SLC24A2: variants seen among roughly 807,000 people sequenced by gnomAD.
The protein encoded by SLC24A2 is sodium/potassium/calcium exchanger 2.
Under a neutral mutation model 62.0 loss-of-function variants are expected in SLC24A2, and 36 were observed. The observed-to-expected ratio is 0.58, with a 90% CI of 0.44 to 0.77. SLC24A2 has a LOEUF of 0.77. Among genes scored for constraint, SLC24A2 ranks in the 30% least tolerant of loss-of-function variants. The pLI, the probability that SLC24A2 is intolerant of heterozygous loss-of-function variation, is 0.00. For missense variants in SLC24A2, 846 were observed against 817.9 expected (o/e 1.03, Z -0.42); for synonymous variants, 358 against 294.0 (o/e 1.22, Z -2.23).
chr9:19,819,527 C>T, the SLC24A2 span, among the ~76,000 whole-genome samples: 3 of 151,984 alleles, frequency 2.0e-5, no homozygotes, highest in South Asian at 2.1e-4. Context: ...AAAAAACAAT[C>T]CCATCAAAAA....
chr9:19,554,741 A>G (rs1192261620), intron 7 of SLC24A2, among the ~76,000 whole-genome samples: 1 of 151,984 alleles, frequency 6.6e-6, no homozygotes, highest in East Asian at 1.9e-4. Context: ...GCTGGAGGGG[A>G]CATTTTGACC....
Position 19,521,457 on chromosome 9 carries a change from C to A in SLC24A2, c.1570-397G>T, listed in dbSNP as rs539613565. Among the ~76,000 whole-genome samples, 11 of 152,348 alleles carry A rather than the reference C, an allele frequency of 7.2e-5. No homozygotes were observed. In the East Asian group the frequency reaches 7.7e-4, roughly 11 times the overall value. ...TGTGGAAGATTTGCCCTTCAACTTA[C>A]TACCAAAACCAAGGACTGACACCCA... is the stretch of plus-strand genomic sequence containing the variant. On this transcript the variant is annotated intron_variant, in intron 9 of 10. Transcript: ENST00000341998.
intron 2 of SLC24A2, among the ~76,000 whole-genome samples, chr9:19,750,621 C>A (rs750213222): frequency 1.3e-5 from 2 of 152,086 alleles, no homozygotes; most frequent in African/African-American, 4.8e-5. Context: ...CTCTTTTCAT[C>A]GATATCTTTA....
the SLC24A2 span, among the ~76,000 whole-genome samples, chr9:20,014,197 G>C: frequency 6.6e-6 from 1 of 152,098 alleles, no homozygotes; most frequent in Non-Finnish European, 1.5e-5. Flanking sequence ...GACAGAGCAA[G>C]ACCATGTCTC....
chr9:19,761,467 T>A lies in SLC24A2; in HGVS notation c.930+24470A>T, dbSNP rs190299888. Among the ~76,000 whole-genome samples, 175 of 150,298 alleles carry A rather than the reference T, an allele frequency of 1.2e-3. 1 individual carries two copies. In the East Asian group the frequency reaches 0.016, roughly 13 times the overall value. ...GTTGCATAAATGTCATTTTTTAATT[T>A]TTTTATTTTATTTTATTTTATTTTA... is the stretch of plus-strand genomic sequence containing the variant. On this transcript the variant is annotated intron_variant, in intron 2 of 10. Coordinates refer to ENST00000341998, the MANE Select transcript of SLC24A2 (RefSeq NM_020344.4).
At chr9:19,597,138 C>A (rs986122808) in intron 5 of SLC24A2, 91 bp downstream of exon 5, 2 of 848,010 alleles carry the variant, frequency 2.4e-6, no homozygotes, top group East Asian at 2.4e-5. Context: ...TGAAGTCATG[C>A]AGAGAGGAAA....
At chr9:19,719,667 A>G (rs1345438182) in intron 2 of SLC24A2, among the ~76,000 whole-genome samples, 2 of 152,234 alleles carry the variant, frequency 1.3e-5, no homozygotes, top group Admixed American at 1.3e-4. Context: ...AATTAAGGTC[A>G]AATCTTGAGT....
chr9:20,273,798 G>T, the SLC24A2 span, among the ~76,000 whole-genome samples: 1 of 152,144 alleles, frequency 6.6e-6, no homozygotes, highest in African/African-American at 2.4e-5. Context: ...ACCCCCATCT[G>T]TTCAATCATA....
the SLC24A2 span, among the ~76,000 whole-genome samples, chr9:19,827,867 C>T: frequency 8.5e-5 from 13 of 152,098 alleles, no homozygotes; most frequent in African/African-American, 2.9e-4. Flanking sequence ...CTGGAATCAC[C>T]CATATATAAG....
chr9:19,641,779 C>A (rs1818501142), intron 2 of SLC24A2, among the ~76,000 whole-genome samples: 1 of 152,186 alleles, frequency 6.6e-6, no homozygotes, highest in Non-Finnish European at 1.5e-5. Context: ...GAAATTATGT[C>A]TATTCCCAAA....
At chr9:19,744,227 A>C (rs1821763276) in intron 2 of SLC24A2, among the ~76,000 whole-genome samples, 1 of 152,188 alleles carries the variant, frequency 6.6e-6, no homozygotes, top group South Asian at 2.1e-4. Context: ...CTTTAATTCA[A>C]AATACTGCTT....
the SLC24A2 span, among the ~76,000 whole-genome samples, chr9:20,076,424 G>A: frequency 6.6e-6 from 1 of 152,060 alleles, no homozygotes; most frequent in Non-Finnish European, 1.5e-5. Context: ...ACAGACACAC[G>A]AAGGGAGAAC....
At chr9:20,029,744 C>T in the SLC24A2 span, among the ~76,000 whole-genome samples, 1 of 152,164 alleles carries the variant, frequency 6.6e-6, no homozygotes, top group Non-Finnish European at 1.5e-5. Context: ...ATGTTAGAAG[C>T]AGCATTTGAA....
the SLC24A2 span, among the ~76,000 whole-genome samples, chr9:20,197,508 T>C: frequency 1.4e-5 from 2 of 142,592 alleles, no homozygotes; most frequent in African/African-American, 2.7e-5. Flanking sequence ...CACAGCTCAC[T>C]GCAGCCTTGA....
chr9:19,526,748 T>C (rs1833463906), intron 9 of SLC24A2, among the ~76,000 whole-genome samples: 1 of 152,216 alleles, frequency 6.6e-6, no homozygotes, highest in Non-Finnish European at 1.5e-5. Context: ...ATACAAGTGC[T>C]TTATCAGATA....
intron 7 of SLC24A2, among the ~76,000 whole-genome samples, chr9:19,551,643 C>G (rs976874155): frequency 2.6e-5 from 4 of 152,176 alleles, no homozygotes; most frequent in African/African-American, 9.7e-5. Flanking sequence ...GCTCTTGCTT[C>G]CAGCACCATA....
the SLC24A2 span, among the ~76,000 whole-genome samples, chr9:19,815,337 T>C: frequency 1.3e-5 from 2 of 152,160 alleles, no homozygotes; most frequent in South Asian, 4.1e-4. Context: ...GAAGATAAAA[T>C]CTGGCCTCTG....
chr9:20,008,504 C>T, the SLC24A2 span, among the ~76,000 whole-genome samples: 21 of 152,266 alleles, frequency 1.4e-4, no homozygotes, highest in African/African-American at 5.1e-4. Context: ...TTCCATACTT[C>T]CAACCCCCTT....
At chr9:19,656,581 A>T (rs892088931) in intron 2 of SLC24A2, among the ~76,000 whole-genome samples, 1 of 152,062 alleles carries the variant, frequency 6.6e-6, no homozygotes, top group African/African-American at 2.4e-5. Context: ...CCAGATTCTC[A>T]CTTCTCCTAT....
Sources: gnomAD v4.1 joint callset for allele counts (sites outside exome capture counted in the v4.1 genomes callset) on GRCh38, gnomAD v4.1.1 for gene constraint, MANE v1.5 for transcripts, NCBI Gene and HGNC (gene_info 2026-07-23, HGNC 2026-07-21) for gene names.